Variants in GRID2 observed in about 807,000 individuals in gnomAD.
GRID2 encodes glutamate receptor ionotropic, delta-2.
A neutral mutation model predicts 114.8 loss-of-function variants in GRID2; 33 were observed. That is an observed-to-expected ratio of 0.29 (90% CI 0.22 to 0.38). The LOEUF is 0.38. Ranked by LOEUF, GRID2 falls within the 10% of genes least tolerant of loss-of-function variation. GRID2 has a pLI of 1.00. For synonymous variants in GRID2, 505 were observed against 449.9 expected, an observed-to-expected ratio of 1.12 and a Z score of -1.55; for missense variants, 1,184 against 1,257.7, an observed-to-expected ratio of 0.94 and a Z score of 0.89.
intron 8 of GRID2, among the ~76,000 whole-genome samples, chr4:93,324,265 T>G (rs1757580888): frequency 6.6e-6 from 1 of 152,202 alleles, no homozygotes. Context: ...GAAGGGCTCT[T>G]GAATTTTGTT....
intron 1 of GRID2, among the ~76,000 whole-genome samples, chr4:92,488,247 G>A (rs1031537071): frequency 1.3e-5 from 2 of 152,106 alleles, no homozygotes; most frequent in African/African-American, 4.8e-5. Flanking sequence ...CACCGGTTCT[G>A]ACAACCAGTG....
At chr4:92,646,727 T>C (rs1560508666) in intron 2 of GRID2, among the ~76,000 whole-genome samples, 1 of 152,238 alleles carries the variant, frequency 6.6e-6, no homozygotes, top group Non-Finnish European at 1.5e-5. Context: ...CTATTCAATA[T>C]CTTCATGAAC....
chr4:93,111,424 ATAAT>A (rs1732751730), intron 4 of GRID2, among the ~76,000 whole-genome samples: 1 of 152,308 alleles, frequency 6.6e-6, no homozygotes, highest in Admixed American at 6.5e-5. Flanking sequence ...ACCAACACAA[ATAAT>A]TAAGTGTCTG....
intron 2 of GRID2, among the ~76,000 whole-genome samples, chr4:93,083,131 C>G (rs1325933515): frequency 6.6e-6 from 1 of 151,898 alleles, no homozygotes; most frequent in Non-Finnish European, 1.5e-5. Context: ...AACTGTGTAC[C>G]CCTTAAGGCA....
At chr4:92,828,549 G>A (rs1220391589) in intron 2 of GRID2, among the ~76,000 whole-genome samples, 1 of 151,896 alleles carries the variant, frequency 6.6e-6, no homozygotes, top group Non-Finnish European at 1.5e-5. Flanking sequence ...TTAATAATTG[G>A]TTTATATTGC....
At chr4:92,865,654 C>T (rs369251011) in intron 2 of GRID2, among the ~76,000 whole-genome samples, 2 of 152,160 alleles carry the variant, frequency 1.3e-5, no homozygotes, top group African/African-American at 4.8e-5. Flanking sequence ...CTCACAGTTT[C>T]ACTCTTTGGC....
intron 2 of GRID2, among the ~76,000 whole-genome samples, chr4:92,991,929 C>G (rs1031850410): frequency 1.3e-5 from 2 of 151,956 alleles, no homozygotes; most frequent in Non-Finnish European, 2.9e-5. Flanking sequence ...TTTTTAAATA[C>G]AAAAATGTAT....
intron 2 of GRID2, among the ~76,000 whole-genome samples, chr4:92,981,997 G>C (rs1335511758): frequency 9.9e-6 from 1 of 100,962 alleles, no homozygotes; most frequent in Admixed American, 1.2e-4. Context: ...TTACAGAAAA[G>C]TATCTTCACA....
At chr4:92,860,597 T>C (rs1219463318) in intron 2 of GRID2, among the ~76,000 whole-genome samples, 1 of 152,140 alleles carries the variant, frequency 6.6e-6, no homozygotes, top group Non-Finnish European at 1.5e-5. Flanking sequence ...GAAACTTATC[T>C]ATGAAATGTT....
At chr4:93,113,750 A>C (rs1732988505) in intron 4 of GRID2, among the ~76,000 whole-genome samples, 1 of 152,174 alleles carries the variant, frequency 6.6e-6, no homozygotes, top group Admixed American at 6.6e-5. Context: ...CAGTCATGAA[A>C]TGTTGAGGAA....
chr4:92,688,037 CTTTTTTTTTTTT>C (rs760605020), intron 2 of GRID2, among the ~76,000 whole-genome samples: 8 of 44,666 alleles, frequency 1.8e-4, no homozygotes, highest in African/African-American at 6.0e-4. Flanking sequence ...CCTTCTTCTT[CTTTTTTTTTTTT>C]TTTTTTTTTT....
intron 2 of GRID2, among the ~76,000 whole-genome samples, chr4:92,611,371 G>C (rs1461861761): frequency 6.6e-6 from 1 of 151,516 alleles, no homozygotes; most frequent in Non-Finnish European, 1.5e-5. Flanking sequence ...GTGTGTGCAT[G>C]AAAACAGAGT....
At chr4:93,715,688 T>C (rs143118657) in intron 14 of GRID2, among the ~76,000 whole-genome samples, 8 of 152,322 alleles carry the variant, frequency 5.3e-5, no homozygotes, top group African/African-American at 1.9e-4. Flanking sequence ...ATTCTTTTTG[T>C]GGCAGTTGTG....
intron 2 of GRID2, among the ~76,000 whole-genome samples, chr4:92,701,101 T>G (rs76804724): frequency 0.027 from 4,073 of 152,324 alleles, 70 homozygotes; most frequent in Non-Finnish European, 0.039. Flanking sequence ...TTTACCAGAT[T>G]TAACCTTGGG....
At chr4:92,861,536 TATG>T (rs1744534713) in intron 2 of GRID2, among the ~76,000 whole-genome samples, 1 of 152,128 alleles carries the variant, frequency 6.6e-6, no homozygotes, top group Admixed American at 6.5e-5. Flanking sequence ...CAGTACCTAC[TATG>T]ATCTTGATCT....
At chr4:92,611,427 A>G (rs568042883) in intron 2 of GRID2, among the ~76,000 whole-genome samples, 69 of 151,482 alleles carry the variant, frequency 4.6e-4, no homozygotes, top group African/African-American at 9.9e-4. Context: ...CACTAATCCT[A>G]TCAGATAAGG....
intron 14 of GRID2, among the ~76,000 whole-genome samples, chr4:93,702,072 T>A (rs186384878): frequency 6.6e-6 from 1 of 152,152 alleles, no homozygotes; most frequent in African/African-American, 2.4e-5. Context: ...GGTTTGGTGA[T>A]GCTTGATTAG....
intron 1 of GRID2, among the ~76,000 whole-genome samples, chr4:92,588,702 A>T (rs1180416737): frequency 1.4e-5 from 2 of 142,896 alleles, no homozygotes; most frequent in African/African-American, 5.2e-5. Context: ...AAAAAAAAAA[A>T]ATTCTTCATT....
chr4:93,295,304 A>T (rs1754176878), intron 8 of GRID2, among the ~76,000 whole-genome samples: 1 of 152,196 alleles, frequency 6.6e-6, no homozygotes. Flanking sequence ...TTAAGAGGTA[A>T]GAAATATGAA....
Sources: allele counts gnomAD v4.1 joint callset (sites outside exome capture counted in the v4.1 genomes callset), GRCh38; gene constraint gnomAD v4.1.1; transcripts MANE v1.5; gene names NCBI Gene and HGNC (gene_info 2026-07-23, HGNC 2026-07-21).